The following PCDHGA3 variants were observed in gnomAD, a reference collection of about 807,000 sequenced individuals.
PCDHGA3 encodes protocadherin gamma-A3.
Under a neutral mutation model 58.5 loss-of-function variants are expected in PCDHGA3, and 40 were observed. The observed-to-expected ratio is 0.68, with a 90% CI of 0.53 to 0.89. The LOEUF is 0.89. Among genes scored for constraint, PCDHGA3 ranks in the 40% least tolerant of loss-of-function variants. The probability of loss-of-function intolerance (pLI) is 0.00; values close to 1 mark genes in which losing one functional copy is unlikely to be tolerated. For synonymous variants in PCDHGA3, 530 were observed against 525.7 expected (o/e 1.01, Z -0.11); for missense variants, 1,223 against 1,195.9 (o/e 1.02, Z -0.33).
intron 1 of PCDHGA3, chr5:141,421,959 A>T: frequency 6.2e-7 from 1 of 1,612,798 alleles, no homozygotes; most frequent in Non-Finnish European, 8.5e-7. Flanking sequence ...CAATGTTTAC[A>T]CAGTCCGTAT....
intron 1 of PCDHGA3, chr5:141,403,680 C>A: frequency 6.2e-7 from 1 of 1,613,846 alleles, no homozygotes; most frequent in Non-Finnish European, 8.5e-7. Context: ...CCGGTTTTTG[C>A]TCAACGGATT....
In PCDHGA3 at chr5:141,398,686, G is replaced by A. The variant is rs2093688431; in HGVS notation, c.2424+52229G>A. On this transcript the variant is annotated intron_variant, in intron 1 of 3. Coordinates refer to ENST00000253812, the MANE Select transcript of PCDHGA3 (RefSeq NM_018916.4). ...CTCATTAATAATTAAGGAGAAACAG[G>A]ATGGTAGTAAATACCCGGAACTGGC... 3 of 1,613,920 alleles carry A rather than the reference G, an allele frequency of 1.9e-6. No individual in the cohort carries two copies. The East Asian group carries it at 6.7e-5, about 36-fold the overall frequency.
chr5:141,399,561 GT>G, intron 1 of PCDHGA3: 1 of 1,614,042 alleles, frequency 6.2e-7, no homozygotes, highest in Non-Finnish European at 8.5e-7. Context: ...TGGACTTGGG[GT>G]TGAACGGCCA....
intron 1 of PCDHGA3, among the ~76,000 whole-genome samples, chr5:141,447,463 C>T (rs1004772636): frequency 6.6e-6 from 1 of 152,142 alleles, no homozygotes; most frequent in African/African-American, 2.4e-5. Context: ...AGTTTTTCTT[C>T]ACCATCTGTA....
intron 1 of PCDHGA3, chr5:141,352,384 C>A (rs771384435): frequency 1.2e-6 from 2 of 1,613,934 alleles, no homozygotes; most frequent in Admixed American, 3.3e-5. Context: ...TAGCGATCGC[C>A]CTGCGCCTGC....
chr5:141,399,833 C>T (rs1233031581), intron 1 of PCDHGA3: 1 of 1,613,140 alleles, frequency 6.2e-7, no homozygotes, highest in Non-Finnish European at 8.5e-7. Context: ...GACGGCTCTG[C>T]GCTCTTCGAT....
intron 1 of PCDHGA3, chr5:141,364,149 C>A: frequency 1.8e-6 from 1 of 542,530 alleles, no homozygotes; most frequent in Non-Finnish European, 3.0e-6. Context: ...GGGAAAGAAG[C>A]TGCCGCAGAG....
Position 141,487,399 on chromosome 5 carries a change from G to T in PCDHGA3, c.2425-7408G>T, listed in dbSNP as rs749826036. 6.2e-7 allele frequency: 1 copy of T among 1,614,140 alleles called. No individual in the cohort carries two copies. The highest frequency in any genetic ancestry group is 8.5e-7 in the Non-Finnish European group (1 of 1,180,014). ...TCACCAGATCTCGAAGGAGGGAGGG[G>T]CTTCCCCCTTCCAATGGGATCCTCC... On this transcript the variant is annotated intron_variant, in intron 1 of 3. Transcript: ENST00000253812. The surrounding 1 kb of genome is among the most constrained non-coding windows in gnomAD (Gnocchi z 5.0).
chr5:141,384,321 G>A (rs6883770), intron 1 of PCDHGA3: 89,474 of 1,613,740 alleles, frequency 0.055, 2,962 homozygotes, highest in African/African-American at 0.14. Flanking sequence ...TTTTCTTAGT[G>A]ACTGCACAGG....
intron 1 of PCDHGA3, chr5:141,390,418 A>C (rs2092141411): frequency 9.1e-7 from 1 of 1,099,654 alleles, no homozygotes; most frequent in African/African-American, 1.6e-5. Context: ...TAGTCAGTTA[A>C]AAAGCTGTCA....
chr5:141,486,688 C>G lies in PCDHGA3; in HGVS notation c.2425-8119C>G, dbSNP rs748605515. On this transcript the variant is annotated intron_variant, in intron 1 of 3. Coordinates refer to ENST00000253812, the MANE Select transcript of PCDHGA3 (RefSeq NM_018916.4). This position sits in a 1 kb window ranked among gnomAD's most constrained non-coding sequence, Gnocchi z 5.0. ...CCAGGAATCGAGATGTATCAGCTTCCTCTTTCATCTCTCTGAACCCCCAGA... is the reference window on the plus strand; with the variant it reads ...CCAGGAATCGAGATGTATCAGCTTCGTCTTTCATCTCTCTGAACCCCCAGA... The G allele has an allele frequency of 1.2e-6, 2 of 1,614,170 alleles. No homozygotes were observed. The highest frequency in any genetic ancestry group is 8.5e-7 in the Non-Finnish European group (1 of 1,180,044).
At chr5:141,453,922 T>C (rs2098777315) in intron 1 of PCDHGA3, among the ~76,000 whole-genome samples, 1 of 152,230 alleles carries the variant, frequency 6.6e-6, no homozygotes, top group African/African-American at 2.4e-5. Context: ...CAGTGATCAG[T>C]CACTGTGTGC....
intron 1 of PCDHGA3, among the ~76,000 whole-genome samples, chr5:141,453,288 A>AT (rs2098760999): frequency 2.0e-5 from 3 of 151,342 alleles, no homozygotes; most frequent in African/African-American, 7.3e-5. Flanking sequence ...TAATTTTTTA[A>AT]TTATTTATTT....
chr5:141,404,021 A>C lies in PCDHGA3; in HGVS notation c.2424+57564A>C, dbSNP rs192150782. 5 of 1,613,894 alleles carry C rather than the reference A, an allele frequency of 3.1e-6. No individual in the cohort carries two copies. The African/African-American group carries it at 4.0e-5, about 13-fold the overall frequency. ...CATTACATCTCTGTTTAGCCCAGTG[A>C]GAGAAGACGCACCTCAGGGAACAGT... On this transcript the variant is annotated intron_variant, in intron 1 of 3. Coordinates refer to ENST00000253812, the MANE Select transcript of PCDHGA3 (RefSeq NM_018916.4).
chr5:141,498,827 G>C (rs2099786072), intron 2 of PCDHGA3, among the ~76,000 whole-genome samples: 1 of 152,102 alleles, frequency 6.6e-6, no homozygotes, highest in Non-Finnish European at 1.5e-5. Context: ...CAGCTACTCA[G>C]GAGGCTGAGG....
intron 1 of PCDHGA3, among the ~76,000 whole-genome samples, chr5:141,463,479 C>T (rs1162346496): frequency 4.1e-5 from 5 of 120,544 alleles, no homozygotes; most frequent in Non-Finnish European, 8.1e-5. Flanking sequence ...GATGGAGTCT[C>T]GCTCTGTCAC....
At chr5:141,360,817 A>C (rs772114545) in intron 1 of PCDHGA3, 1 of 1,614,006 alleles carries the variant, frequency 6.2e-7, no homozygotes, top group South Asian at 1.1e-5. Context: ...CACGACCCAA[A>C]TCCGAATCAA....
At chr5:141,393,622 A>G (rs776047060) in intron 1 of PCDHGA3, 2 of 1,613,960 alleles carry the variant, frequency 1.2e-6, no homozygotes, top group Non-Finnish European at 1.7e-6. Flanking sequence ...AGCGACCCGG[A>G]TGAGGGAATC....
In PCDHGA3 at chr5:141,355,045, A is replaced by G. The variant is rs991621511; in HGVS notation, c.2424+8588A>G. Reference sequence around the variant, plus strand: ...CAGAATCACAAGATTTCTGCAGCACAAAGCACTGGCTCTGGAGCTTTATGA... The same window carrying G: ...CAGAATCACAAGATTTCTGCAGCACGAAGCACTGGCTCTGGAGCTTTATGA... On this transcript the variant is annotated intron_variant, in intron 1 of 3. Coordinates refer to ENST00000253812, the MANE Select transcript of PCDHGA3 (RefSeq NM_018916.4). The G allele has an allele frequency of 2.6e-6, 3 of 1,146,988 alleles. No homozygotes were observed. In the African/African-American group the frequency reaches 4.7e-5, roughly 18 times the overall value. The allele number at this position is 1,146,988 out of a possible 1,614,324, so 71.1% of individuals were successfully genotyped here.
Sources: allele counts gnomAD v4.1 joint callset (sites outside exome capture counted in the v4.1 genomes callset), GRCh38; gene constraint gnomAD v4.1.1; non-coding constraint Gnocchi (gnomAD v3.1); transcripts MANE v1.5; gene names NCBI Gene and HGNC (gene_info 2026-07-23, HGNC 2026-07-21).